Variants in NOX3 observed in about 807,000 individuals in gnomAD.
NOX3 encodes NADPH oxidase 3, also known as NADPH oxidase catalytic subunit-like 3.
Under a neutral mutation model 76.7 loss-of-function variants are expected in NOX3, and 74 were observed. The observed-to-expected ratio is 0.96, with a 90% CI of 0.80 to 1.17. The LOEUF (loss-of-function observed/expected upper bound fraction) is 1.17. Among genes scored for constraint, NOX3 ranks in the 50% most tolerant of loss-of-function variants. The pLI is 0.00. For synonymous variants in NOX3, 263 were observed against 261.1 expected, an observed-to-expected ratio of 1.01 and a Z score of -0.07; for missense variants, 695 against 703.3, an observed-to-expected ratio of 0.99 and a Z score of 0.13.
chr6:155,435,571 G>A (rs963737914), intron 7 of NOX3, among the ~76,000 whole-genome samples: 14 of 151,794 alleles, frequency 9.2e-5, no homozygotes, highest in African/African-American at 3.1e-4. Context: ...ATATGTTGAT[G>A]ACTTAATTTC....
intron 10 of NOX3, among the ~76,000 whole-genome samples, chr6:155,419,316 C>T (rs1776659634): frequency 6.6e-6 from 1 of 152,164 alleles, no homozygotes; most frequent in African/African-American, 2.4e-5. Context: ...AGCATGAAAA[C>T]CTCACTTCTT....
intron 11 of NOX3, among the ~76,000 whole-genome samples, chr6:155,409,073 G>A (rs1302072706): frequency 3.3e-5 from 5 of 152,046 alleles, no homozygotes; most frequent in East Asian, 1.9e-4. Context: ...ATGGGCACAC[G>A]CACCCTCTGA....
intron 12 of NOX3, among the ~76,000 whole-genome samples, chr6:155,405,552 G>A (rs552402365): frequency 2.0e-5 from 3 of 152,182 alleles, no homozygotes; most frequent in Admixed American, 2.0e-4. Context: ...AAAATTCCAC[G>A]TGGATGTATG....
At chr6:155,414,021 C>T (rs1482061610) in intron 10 of NOX3, among the ~76,000 whole-genome samples, 7 of 152,170 alleles carry the variant, frequency 4.6e-5, no homozygotes, top group African/African-American at 1.2e-4. Context: ...TGCATGTCAG[C>T]GTCCTTAGGG....
intron 10 of NOX3, among the ~76,000 whole-genome samples, chr6:155,419,454 T>C (rs1776661475): frequency 6.6e-6 from 1 of 152,208 alleles, no homozygotes; most frequent in South Asian, 2.1e-4. Context: ...CATGGTCCTA[T>C]GCAAAGCTAG....
At chr6:155,415,443 T>A (rs1420773583) in intron 10 of NOX3, among the ~76,000 whole-genome samples, 1 of 152,216 alleles carries the variant, frequency 6.6e-6, no homozygotes, top group African/African-American at 2.4e-5. Context: ...TATGTCTTTA[T>A]ATCCAAAATA....
chr6:155,406,042 G>A (rs368671091), intron 12 of NOX3, among the ~76,000 whole-genome samples: 2 of 152,128 alleles, frequency 1.3e-5, no homozygotes, highest in African/African-American at 2.4e-5. Context: ...CCTGCCTCAG[G>A]GCCTTGGCAC....
At chr6:155,415,124 G>A (rs1478898255) in intron 10 of NOX3, among the ~76,000 whole-genome samples, 2 of 152,120 alleles carry the variant, frequency 1.3e-5, no homozygotes, top group Admixed American at 6.5e-5. Context: ...CACAAGTTTG[G>A]GCTCTCTGTG....
rs528091623 is a variant in NOX3, at chr6:155,437,529, C to G, written c.669-982G>C. 4.6e-5 allele frequency among the ~76,000 whole-genome samples: 7 copies of G among 152,210 alleles called. No homozygotes were observed. In the East Asian group the frequency reaches 1.4e-3, roughly 29 times the overall value. On this transcript the variant is annotated intron_variant, in intron 6 of 13. Transcript: ENST00000159060. ...TAGAACTGACATCTTGGCTTTTGTCCCAGTCTGTTTTATGGAAGCCATCCA... is the reference window on the plus strand; with the variant it reads ...TAGAACTGACATCTTGGCTTTTGTCGCAGTCTGTTTTATGGAAGCCATCCA...
intron 5 of NOX3, 66 bp downstream of exon 5, chr6:155,443,207 C>T: frequency 1.3e-6 from 2 of 1,482,654 alleles, no homozygotes; most frequent in Admixed American, 2.0e-5. Flanking sequence ...TATAGCGTTC[C>T]TGATTAGAGG....
chr6:155,433,457 G>C (rs1479499216), intron 7 of NOX3, among the ~76,000 whole-genome samples: 1 of 152,212 alleles, frequency 6.6e-6, no homozygotes, highest in Non-Finnish European at 1.5e-5. Flanking sequence ...CTGGATTCTG[G>C]CCTTGGGGCC....
intron 12 of NOX3, among the ~76,000 whole-genome samples, chr6:155,402,150 C>T (rs1779239148): frequency 6.6e-6 from 1 of 152,048 alleles, no homozygotes; most frequent in African/African-American, 2.4e-5. Flanking sequence ...ACAATGTTTA[C>T]AAAAAATGCA....
chr6:155,444,117 C>G (rs1464158034), intron 4 of NOX3, among the ~76,000 whole-genome samples: 1 of 152,194 alleles, frequency 6.6e-6, no homozygotes, highest in African/African-American at 2.4e-5. Context: ...CTTTCAGCCA[C>G]TCTATTTTCT....
At chr6:155,424,187 T>C (rs1279946629) in intron 9 of NOX3, among the ~76,000 whole-genome samples, 1 of 152,188 alleles carries the variant, frequency 6.6e-6, no homozygotes, top group Non-Finnish European at 1.5e-5. Context: ...TAGCTCCATG[T>C]TTCCCTCCTC....
In NOX3 at chr6:155,442,535, T is replaced by C. The variant is rs7769273; in HGVS notation, c.486+738A>G. ...TCTTGGGCAATAAAGATATTTTTAG[T>C]CTGGTCAACGTGCTGCACACATATG... On this transcript the variant is annotated intron_variant, in intron 5 of 13. Transcript: ENST00000159060. 9.5e-3 allele frequency among the ~76,000 whole-genome samples: 1,445 copies of C among 152,334 alleles called. 30 individuals are homozygous for C. The highest frequency in any genetic ancestry group is 0.033 in the African/African-American group (1,373 of 41,580).
intron 12 of NOX3, among the ~76,000 whole-genome samples, chr6:155,403,812 T>C (rs1360065353): frequency 6.6e-6 from 1 of 152,204 alleles, no homozygotes; most frequent in African/African-American, 2.4e-5. Flanking sequence ...CCTTGGTCTC[T>C]TGATGCTCCG....
At chr6:155,455,295 A>G (rs1258287554) in intron 1 of NOX3, among the ~76,000 whole-genome samples, 166 bp from the exon 2 acceptor site, 1 of 152,250 alleles carries the variant, frequency 6.6e-6, no homozygotes, top group Non-Finnish European at 1.5e-5. Flanking sequence ...TAGGATTATG[A>G]TGGTAATACA....
rs1039541494 is a variant in NOX3 at position 155,420,238 on chromosome 6, G to A, written c.1308+2456C>T. On this transcript the variant is annotated intron_variant, in intron 10 of 13. Transcript: ENST00000159060. Reference sequence around the variant, plus strand: ...TGAGACTTTGCATGTCTCTGAGCAGGACTTGAAATATTAGTTGGATTAGTG... The same window carrying A: ...TGAGACTTTGCATGTCTCTGAGCAGAACTTGAAATATTAGTTGGATTAGTG... Among the ~76,000 whole-genome samples the A allele has an allele frequency of 3.9e-5, 6 of 152,260 alleles. No homozygotes were observed. The East Asian group carries it at 1.2e-3, about 29-fold the overall frequency.
chr6:155,417,158 C>T (rs1275027263), intron 10 of NOX3, among the ~76,000 whole-genome samples: 2 of 152,186 alleles, frequency 1.3e-5, no homozygotes, highest in East Asian at 1.9e-4. Flanking sequence ...GGTATTGACA[C>T]TGACGGTGCC....
Sources: allele counts gnomAD v4.1 joint callset (sites outside exome capture counted in the v4.1 genomes callset), GRCh38; gene constraint gnomAD v4.1.1; transcripts MANE v1.5; gene names NCBI Gene and HGNC (gene_info 2026-07-23, HGNC 2026-07-21).